Variants in SCRG1 observed in about 807,000 individuals in gnomAD.
SCRG1 encodes the protein scrapie-responsive protein 1.
SCRG1 carries 3 observed loss-of-function variants against 7.7 expected under a neutral mutation model. The observed-to-expected ratio is 0.39, with a 90% CI of 0.18 to 1.01. The LOEUF is 1.01. Ranked by LOEUF, SCRG1 falls within the 50% of genes least tolerant of loss-of-function variation. The probability of loss-of-function intolerance (pLI) is 0.36; values close to 1 mark genes in which losing one functional copy is unlikely to be tolerated. For missense variants in SCRG1, 110 were observed against 117.2 expected (o/e 0.94, Z 0.28); for synonymous variants, 46 against 41.2 (o/e 1.12, Z -0.44).
At chr4:173,483,184 T>C in the SCRG1 span, among the ~76,000 whole-genome samples, 13 of 27,752 alleles carry the variant, frequency 4.7e-4, no homozygotes, top group Admixed American at 6.8e-4. Context: ...TATAATATAT[T>C]ATATATGATA....
chr4:173,485,222 AT>A, the SCRG1 span, among the ~76,000 whole-genome samples: 8 of 31,676 alleles, frequency 2.5e-4, no homozygotes, highest in Non-Finnish European at 7.0e-4. Flanking sequence ...TATAGGATAA[AT>A]TTTTTTTTTA....
At chr4:173,458,737 G>T in the SCRG1 span, among the ~76,000 whole-genome samples, 1 of 152,016 alleles carries the variant, frequency 6.6e-6, no homozygotes, top group South Asian at 2.1e-4. Context: ...AAAATTAAGA[G>T]GAGTAACTCA....
chr4:173,392,165 A>T (rs1002015090), intron 1 of SCRG1, among the ~76,000 whole-genome samples: 5 of 152,208 alleles, frequency 3.3e-5, no homozygotes, highest in Non-Finnish European at 7.3e-5. Context: ...GACAGAAACA[A>T]AAAACCCATT....
the SCRG1 span, among the ~76,000 whole-genome samples, chr4:173,425,004 GA>G: frequency 6.6e-6 from 1 of 152,114 alleles, no homozygotes; most frequent in African/African-American, 2.4e-5. Context: ...ATGCTATGTA[GA>G]AATTGTCAGT....
the SCRG1 span, chr4:173,419,402 G>T: frequency 8.2e-7 from 1 of 1,216,734 alleles, no homozygotes; most frequent in Non-Finnish European, 1.2e-6. Flanking sequence ...CTCTCGTACA[G>T]CAGCATGAGC....
chr4:173,490,842 G>A, the SCRG1 span, among the ~76,000 whole-genome samples: 1 of 152,004 alleles, frequency 6.6e-6, no homozygotes, highest in Non-Finnish European at 1.5e-5. Context: ...AGTTTTCAGG[G>A]GCAGGTCTTG....
chr4:173,460,754 G>A, the SCRG1 span, among the ~76,000 whole-genome samples: 1 of 151,976 alleles, frequency 6.6e-6, no homozygotes, highest in African/African-American at 2.4e-5. Context: ...AAAGTACCAA[G>A]TGGGCTCCTA....
the SCRG1 span, among the ~76,000 whole-genome samples, chr4:173,471,853 G>A: frequency 6.6e-6 from 1 of 152,136 alleles, no homozygotes; most frequent in Non-Finnish European, 1.5e-5. Context: ...GGGATTATAG[G>A]CATGCCCCAC....
chr4:173,459,282 C>T, the SCRG1 span, among the ~76,000 whole-genome samples: 5 of 152,206 alleles, frequency 3.3e-5, no homozygotes, highest in African/African-American at 1.2e-4. Flanking sequence ...ATTTACAGAA[C>T]ACTTCATCCA....
At chr4:173,483,256 G>T in the SCRG1 span, among the ~76,000 whole-genome samples, 23,844 of 35,270 alleles carry the variant, frequency 0.68, 7,378 homozygotes, top group South Asian at 0.74. Flanking sequence ...TATCATATAT[G>T]ATATATCATA....
the SCRG1 span, among the ~76,000 whole-genome samples, chr4:173,509,060 GTT>G: frequency 6.6e-6 from 1 of 152,294 alleles, no homozygotes; most frequent in South Asian, 2.1e-4. This position sits in a 1 kb window ranked among gnomAD's most constrained non-coding sequence, Gnocchi z 5.7. Context: ...ATGGTGCCAG[GTT>G]TGGAAACACA....
the SCRG1 span, among the ~76,000 whole-genome samples, chr4:173,448,559 C>T: frequency 0.071 from 10,831 of 152,246 alleles, 660 homozygotes; most frequent in East Asian, 0.28. Context: ...TTTGAAATAC[C>T]GGAAAAGTTG....
In SCRG1 at chr4:173,388,261, A is replaced by C; in HGVS notation, c.*80T>G. Reference sequence around the variant, plus strand: ...ATCTATGCTCTATTGCACTATATAGAAACTAGAAATGCAGTTATACTGATG... The same window carrying C: ...ATCTATGCTCTATTGCACTATATAGCAACTAGAAATGCAGTTATACTGATG... On this transcript the variant is annotated 3_prime_UTR_variant, in exon 3 of 3. Transcript: ENST00000296506. The C allele has an allele frequency of 2.1e-6, 2 of 959,754 alleles. No homozygotes were observed. The highest frequency in any genetic ancestry group is 3.3e-6 in the Non-Finnish European group (2 of 614,840). 59.5% of individuals were successfully genotyped at this position (959,754 alleles called of 1,614,324 possible).
At chr4:173,504,631 T>C in the SCRG1 span, among the ~76,000 whole-genome samples, 2 of 152,236 alleles carry the variant, frequency 1.3e-5, no homozygotes, top group Non-Finnish European at 2.9e-5. The surrounding 1 kb of genome is among the most constrained non-coding windows in gnomAD (Gnocchi z 4.7). Flanking sequence ...TTATTTTTAT[T>C]CTCTTTTCTT....
the SCRG1 span, among the ~76,000 whole-genome samples, chr4:173,433,938 G>A: frequency 1.3e-5 from 2 of 152,238 alleles, no homozygotes; most frequent in Admixed American, 1.3e-4. Flanking sequence ...TCTTCCCTAA[G>A]AGTGGTAGTT....
At chr4:173,409,266 C>A (rs1739988518), upstream of SCRG1, among the ~76,000 whole-genome samples, 1 of 152,150 alleles carries the variant, frequency 6.6e-6, no homozygotes, top group African/African-American at 2.4e-5. Context: ...ATGGGAGCTT[C>A]TGTGGTAGAC....
chr4:173,508,938 G>C, the SCRG1 span, among the ~76,000 whole-genome samples: 2 of 152,208 alleles, frequency 1.3e-5, no homozygotes, highest in Non-Finnish European at 2.9e-5. The surrounding 1 kb of genome is among the most constrained non-coding windows in gnomAD (Gnocchi z 4.4). Flanking sequence ...TCTGCTTGCA[G>C]GGCCGGGTGC....
chr4:173,392,622 A>T (rs902192976), intron 1 of SCRG1, among the ~76,000 whole-genome samples: 14 of 152,222 alleles, frequency 9.2e-5, no homozygotes, highest in Admixed American at 2.6e-4. Flanking sequence ...TTTCTACATT[A>T]GATGTGAAGA....
chr4:173,467,249 T>A, the SCRG1 span, among the ~76,000 whole-genome samples: 2 of 151,878 alleles, frequency 1.3e-5, no homozygotes, highest in African/African-American at 4.8e-5. Flanking sequence ...AAAAAAGATA[T>A]TTTCCTGTTG....
Sources: gnomAD v4.1 joint callset for allele counts (sites outside exome capture counted in the v4.1 genomes callset) on GRCh38, gnomAD v4.1.1 for gene constraint, Gnocchi (gnomAD v3.1) non-coding constraint, MANE v1.5 for transcripts, NCBI Gene and HGNC (gene_info 2026-07-23, HGNC 2026-07-21) for gene names.